Variants in MYZAP observed in about 807,000 individuals in gnomAD.
MYZAP encodes myocardial zonula adherens protein.
In MYZAP, 66 loss-of-function variants were observed where a neutral mutation model predicts 69.4. That is an observed-to-expected ratio of 0.95 (90% CI 0.78 to 1.17). The LOEUF (loss-of-function observed/expected upper bound fraction) is 1.17. Ranked by LOEUF, MYZAP falls within the 50% of genes most tolerant of loss-of-function variation. The pLI is 0.00. For synonymous variants in MYZAP, 256 were observed against 205.9 expected (o/e 1.24, Z -2.09); for missense variants, 611 against 556.2 (o/e 1.10, Z -0.99).
At chr15:57,597,480 A>C (rs985892011) in intron 1 of MYZAP, among the ~76,000 whole-genome samples, 13 of 152,202 alleles carry the variant, frequency 8.5e-5, no homozygotes, top group African/African-American at 3.1e-4. Flanking sequence ...GTGTTGCAGA[A>C]AGGTCCCTTG....
At chr15:57,683,369 A>G (rs1254421611) in intron 12 of MYZAP, among the ~76,000 whole-genome samples, 1 of 152,182 alleles carries the variant, frequency 6.6e-6, no homozygotes, top group African/African-American at 2.4e-5. Flanking sequence ...GAGAAGGGGC[A>G]GAGTAGGGCT....
intron 11 of MYZAP, among the ~76,000 whole-genome samples, chr15:57,664,765 G>T (rs2038486664): frequency 6.6e-6 from 1 of 152,208 alleles, no homozygotes; most frequent in Non-Finnish European, 1.5e-5. Flanking sequence ...TGCAATTGCA[G>T]ACTCCAGACT....
chr15:57,669,645 G>A (rs933884466), intron 11 of MYZAP, among the ~76,000 whole-genome samples: 1 of 151,936 alleles, frequency 6.6e-6, no homozygotes, highest in African/African-American at 2.4e-5. Flanking sequence ...ATTGACTTTT[G>A]CCCTGATGTT....
At chr15:57,628,927 A>G (rs1372313761) in intron 5 of MYZAP, among the ~76,000 whole-genome samples, 1 of 152,018 alleles carries the variant, frequency 6.6e-6, no homozygotes, top group Non-Finnish European at 1.5e-5. Context: ...CACTAAAAAT[A>G]CAAAAATTAG....
chr15:57,668,002 A>G (rs142597882), intron 11 of MYZAP, among the ~76,000 whole-genome samples: 1,822 of 152,138 alleles, frequency 0.012, 21 homozygotes, highest in African/African-American at 0.029. Context: ...ATGGATTTCC[A>G]TTTAGTGGGA....
intron 6 of MYZAP, among the ~76,000 whole-genome samples, chr15:57,631,651 G>A (rs2036513876): frequency 6.6e-6 from 1 of 152,130 alleles, no homozygotes; most frequent in African/African-American, 2.4e-5. Flanking sequence ...GAACTTCTTG[G>A]TGCCAACACT....
chr15:57,676,919 C>A (rs2039167202), intron 12 of MYZAP, among the ~76,000 whole-genome samples: 1 of 152,114 alleles, frequency 6.6e-6, no homozygotes, highest in Non-Finnish European at 1.5e-5. Flanking sequence ...ATTTGGTTTC[C>A]CCCCGGATCC....
chr15:57,634,102 C>G (rs569293297), intron 8 of MYZAP, among the ~76,000 whole-genome samples: 26 of 152,100 alleles, frequency 1.7e-4, no homozygotes, highest in Non-Finnish European at 3.1e-4. Context: ...GCATGTGTCT[C>G]AAGGGTTGGC....
At chr15:57,657,016 G>A (rs1306895886) in intron 10 of MYZAP, among the ~76,000 whole-genome samples, 2 of 152,060 alleles carry the variant, frequency 1.3e-5, no homozygotes, top group African/African-American at 4.8e-5. Context: ...TCTCTCTATA[G>A]CACTCTCTCT....
In MYZAP at chr15:57,593,214, A is replaced by C. The variant is rs74724809; in HGVS notation, c.75+1105A>C. 1.0e-3 allele frequency among the ~76,000 whole-genome samples: 145 copies of C among 141,378 alleles called. 2 individuals carry two copies. The highest frequency in any genetic ancestry group is 1.7e-3 in the South Asian group (7 of 4,178). 92.7% of individuals were successfully genotyped at this position (141,378 alleles called of 152,430 possible). A position where few individuals can be genotyped will look rare whatever the true frequency, so the allele number is the denominator to read the frequency against. Reference sequence around the variant, plus strand: ...CACACACACACACACACACACACACACCCCAGAATCCATCAGTTGGCTCAT... The same window carrying C: ...CACACACACACACACACACACACACCCCCCAGAATCCATCAGTTGGCTCAT... On this transcript the variant is annotated intron_variant, in intron 1 of 12. Coordinates refer to ENST00000267853, the MANE Select transcript of MYZAP (RefSeq NM_001018100.5).
At chr15:57,628,590 CTGGAGCAAAAATTACTTGTGCGGCT>C (rs1210569445) in intron 5 of MYZAP, among the ~76,000 whole-genome samples, 3 of 152,078 alleles carry the variant, frequency 2.0e-5, no homozygotes, top group Non-Finnish European at 4.4e-5. Flanking sequence ...TCAGTGCGGC[CTGGAGCAAAAATTACTTGTGCGGCT>C]TGGAGCAAAA....
rs367589212 is a variant in MYZAP, at chr15:57,633,786, C to T, written c.933+45C>T. The T allele has an allele frequency of 2.1e-5, 31 of 1,453,412 alleles. No homozygotes were observed. The Middle Eastern group carries it at 5.5e-4, about 26-fold the overall frequency. 90.0% of individuals were successfully genotyped at this position (1,453,412 alleles called of 1,614,324 possible). On this transcript the variant is annotated intron_variant, in intron 8 of 12. Coordinates refer to ENST00000267853, the MANE Select transcript of MYZAP (RefSeq NM_001018100.5). ...CTATTGCCCACTTGCCCAAACTTTT[C>T]CCTGTAGGTCCATCTGAGATACGAG... is the stretch of plus-strand genomic sequence containing the variant.
At chr15:57,643,391 G>A (rs1309742527) in intron 10 of MYZAP, among the ~76,000 whole-genome samples, 1 of 152,140 alleles carries the variant, frequency 6.6e-6, no homozygotes, top group Non-Finnish European at 1.5e-5. Flanking sequence ...TGTTGGGATT[G>A]GTCTTTGGTC....
intron 9 of MYZAP, 32 bp from the exon 10 acceptor site, chr15:57,639,408 A>G (rs2036999920): frequency 1.2e-6 from 2 of 1,609,882 alleles, no homozygotes; most frequent in Non-Finnish European, 8.5e-7. Context: ...TTGGTTTAGG[A>G]CTCATTTGCT....
In MYZAP at chr15:57,606,435, G is replaced by C. The variant is rs558850555; in HGVS notation, c.162+2080G>C. ...TCAATGTTATTTTTAAAAAAGATGA[G>C]AATTTGTTGCAGATAAGAGACTAAA... On this transcript the variant is annotated intron_variant, in intron 2 of 12. Coordinates refer to ENST00000267853, the MANE Select transcript of MYZAP (RefSeq NM_001018100.5). Among the ~76,000 whole-genome samples the C allele has an allele frequency of 6.9e-4, 105 of 152,242 alleles. 1 individual carries two copies. Among genetic ancestry groups the C allele is most frequent in the African/African-American group, 2.5e-3 (103 of 41,538 alleles).
intron 2 of MYZAP, among the ~76,000 whole-genome samples, chr15:57,604,767 G>A (rs2034640916): frequency 1.3e-5 from 2 of 152,258 alleles, no homozygotes; most frequent in Admixed American, 6.5e-5. Flanking sequence ...TGCTCCCGCA[G>A]AAGAGAGGAA....
chr15:57,617,637 A>C (rs2035551818), intron 2 of MYZAP, among the ~76,000 whole-genome samples: 1 of 152,132 alleles, frequency 6.6e-6, no homozygotes. Context: ...AACCTTGTGC[A>C]TTGTATTTAG....
chr15:57,637,064 T>C (rs754678212), intron 8 of MYZAP, among the ~76,000 whole-genome samples: 1 of 152,194 alleles, frequency 6.6e-6, no homozygotes, highest in Non-Finnish European at 1.5e-5. Flanking sequence ...TCTTCCAGGC[T>C]CCTTCTCTCT....
At chr15:57,661,267 G>A (rs1038740229) in intron 10 of MYZAP, among the ~76,000 whole-genome samples, 183 bp from the exon 11 acceptor site, 2 of 152,062 alleles carry the variant, frequency 1.3e-5, no homozygotes, top group Non-Finnish European at 2.9e-5. Flanking sequence ...ACTGTTCCAC[G>A]AAACACAGAG....
Sources: gnomAD v4.1 joint callset for allele counts (sites outside exome capture counted in the v4.1 genomes callset) on GRCh38, gnomAD v4.1.1 for gene constraint, MANE v1.5 for transcripts, NCBI Gene and HGNC (gene_info 2026-07-23, HGNC 2026-07-21) for gene names.